The following MRPL42 variants were observed in gnomAD, a reference collection of about 807,000 sequenced individuals.
The protein encoded by MRPL42 is mitochondrial ribosomal protein L42, also known as large ribosomal subunit protein mL42.
Under a neutral mutation model 17.9 loss-of-function variants are expected in MRPL42, and 17 were observed. The observed-to-expected ratio is 0.95, with a 90% CI of 0.65 to 1.42. The LOEUF (loss-of-function observed/expected upper bound fraction) is 1.42, where lower values mean the gene tolerates loss of function less well. Among genes scored for constraint, MRPL42 ranks in the 40% most tolerant of loss-of-function variants. The pLI is 0.00. For synonymous variants in MRPL42, 59 were observed against 54.4 expected (o/e 1.08, Z -0.37); for missense variants, 177 against 175.2 (o/e 1.01, Z -0.06).
chr12:93,505,215 G>T lies in MRPL42; in HGVS notation c.*3994G>T, dbSNP rs1319547476. 1 of 152,156 alleles carries T rather than the reference G, an allele frequency of 6.6e-6. No homozygotes were observed. Among genetic ancestry groups the T allele is most frequent in the African/African-American group, 2.4e-5 (1 of 41,424 alleles). 9.4% of individuals were successfully genotyped at this position (152,156 alleles called of 1,614,324 possible). ...GATAGTGATATGCAAGATAGCACGT[G>T]TGGTTTCCACATATTCTAAGAGGCA... On this transcript the variant is annotated 3_prime_UTR_variant, in exon 6 of 6. Coordinates refer to ENST00000549982, the MANE Select transcript of MRPL42 (RefSeq NM_014050.4).
Position 93,510,966 on chromosome 12 carries a change from C to T in MRPL42, c.*9745C>T, listed in dbSNP as rs959623624. The T allele has an allele frequency of 6.6e-6, 1 of 152,116 alleles. No individual in the cohort carries two copies. The highest frequency in any genetic ancestry group is 2.1e-4 in the South Asian group (1 of 4,828). 9.4% of individuals were successfully genotyped at this position (152,116 alleles called of 1,614,324 possible). ...TAATTTGTTTCATTTATCTTTAACA[C>T]CATGTTATGGATGGCAAAATAACTT... On this transcript the variant is annotated 3_prime_UTR_variant, in exon 6 of 6. Transcript: ENST00000549982.
In MRPL42 at chr12:93,512,863, A is replaced by G. The variant is rs1953737331; in HGVS notation, c.*11642A>G. On this transcript the variant is annotated 3_prime_UTR_variant, in exon 6 of 6. Coordinates refer to ENST00000549982, the MANE Select transcript of MRPL42 (RefSeq NM_014050.4). ...CAAAAGAGGATTTAAATTTAATTGT[A>G]AGCTTATATGATACATTGTTCTAAC... 6.6e-6 allele frequency: 1 copy of G among 152,248 alleles called. No homozygotes were observed. The highest frequency in any genetic ancestry group is 1.5e-5 in the Non-Finnish European group (1 of 68,042). The allele number at this position is 152,248 out of a possible 1,614,324, so 9.4% of individuals were successfully genotyped here. A position where few individuals can be genotyped will look rare whatever the true frequency, so the allele number is the denominator to read the frequency against.
In MRPL42 at chr12:93,508,691, G is replaced by C. The variant is rs1261798501; in HGVS notation, c.*7470G>C. 6.6e-6 allele frequency: 1 copy of C among 152,166 alleles called. No individual in the cohort carries two copies. Among genetic ancestry groups the C allele is most frequent in the East Asian group, 1.9e-4 (1 of 5,176 alleles). The allele number at this position is 152,166 out of a possible 1,614,324, so 9.4% of individuals were successfully genotyped here. A position where few individuals can be genotyped will look rare whatever the true frequency, so the allele number is the denominator to read the frequency against. ...CACATGGTATGTTTGTCAGAACCCA[G>C]TTGGAGTTTTGTTTCCCAGCATCCA... On this transcript the variant is annotated 3_prime_UTR_variant, in exon 6 of 6. Coordinates refer to ENST00000549982, the MANE Select transcript of MRPL42 (RefSeq NM_014050.4).
intron 2 of MRPL42, among the ~76,000 whole-genome samples, chr12:93,471,502 G>A (rs568252901): frequency 6.6e-6 from 1 of 152,058 alleles, no homozygotes; most frequent in East Asian, 1.9e-4. Context: ...GTTTCACCAT[G>A]TTGGCCAAAA....
chr12:93,497,644 G>C (rs78442609), intron 5 of MRPL42, among the ~76,000 whole-genome samples: 238 of 151,578 alleles, frequency 1.6e-3, no homozygotes, highest in African/African-American at 5.5e-3. Flanking sequence ...CAAAAGCTGA[G>C]ATCATTTCCT....
At chr12:93,496,936 T>C (rs1219092185) in intron 5 of MRPL42, among the ~76,000 whole-genome samples, 6 of 151,912 alleles carry the variant, frequency 3.9e-5, no homozygotes, top group African/African-American at 1.5e-4. Context: ...AGACTATTAT[T>C]AGGAACACTT....
In MRPL42 at chr12:93,491,145, G is replaced by A. The variant is rs577154208; in HGVS notation, c.383+3485G>A. 1.9e-4 allele frequency among the ~76,000 whole-genome samples: 29 copies of A among 152,148 alleles called. No individual in the cohort carries two copies. In the East Asian group the frequency reaches 5.4e-3, roughly 28 times the overall value. ...ACTTCAAGTGATCCCACTGCCTTGG[G>A]CTCCCAAAGTGCTGGGATTACAGGT... is the stretch of plus-strand genomic sequence containing the variant. On this transcript the variant is annotated intron_variant, in intron 5 of 5. Coordinates refer to ENST00000549982, the MANE Select transcript of MRPL42 (RefSeq NM_014050.4).
chr12:93,485,161 CT>C (rs530566195), intron 4 of MRPL42, among the ~76,000 whole-genome samples: 7,492 of 130,798 alleles, frequency 0.057, 222 homozygotes, highest in South Asian at 0.13. Context: ...CCCACATTGC[CT>C]TTTTTTTTTT....
At chr12:93,477,146 A>G (rs1235945051) in intron 3 of MRPL42, 129 bp downstream of exon 3, 5 of 670,938 alleles carry the variant, frequency 7.5e-6, no homozygotes, top group African/African-American at 3.8e-5. Flanking sequence ...GTTTTTAAAA[A>G]TTATTTTAAT....
Position 93,514,497 on chromosome 12 carries a change from C to G in MRPL42, c.*13276C>G, listed in dbSNP as rs1023155966. On this transcript the variant is annotated 3_prime_UTR_variant, in exon 6 of 6. Transcript: ENST00000549982. Reference sequence around the variant, plus strand: ...TGTTGACCAGGCTGGTCTTGAACTCCCGACCTCAGGTGATCTGGCTGCCTT... The same window carrying G: ...TGTTGACCAGGCTGGTCTTGAACTCGCGACCTCAGGTGATCTGGCTGCCTT... The G allele has an allele frequency of 2.0e-5, 3 of 151,774 alleles. No individual in the cohort carries two copies. The highest frequency in any genetic ancestry group is 2.9e-5 in the Non-Finnish European group (2 of 68,020). 9.4% of individuals were successfully genotyped at this position (151,774 alleles called of 1,614,324 possible). A position where few individuals can be genotyped will look rare whatever the true frequency, so the allele number is the denominator to read the frequency against.
At position 93,508,192 on chromosome 12, in the gene MRPL42, G is replaced by A. The variant is rs377291811; in HGVS notation, c.*6971G>A. 1 of 150,434 alleles carries A rather than the reference G, an allele frequency of 6.6e-6. No homozygotes were observed. Among genetic ancestry groups the A allele is most frequent in the Non-Finnish European group, 1.5e-5 (1 of 67,670 alleles). 9.3% of individuals were successfully genotyped at this position (150,434 alleles called of 1,614,324 possible). A position where few individuals can be genotyped will look rare whatever the true frequency, so the allele number is the denominator to read the frequency against. On this transcript the variant is annotated 3_prime_UTR_variant, in exon 6 of 6. Transcript: ENST00000549982. ...ATTCCCCACCTCAGGTGATCTGCCT[G>A]CCTCAGCCTCCCAAAGTGCTGGGAT...
At position 93,508,982 on chromosome 12, in the gene MRPL42, G is replaced by GT. The variant is rs553272636; in HGVS notation, c.*7764dup. 1.1e-3 allele frequency: 171 copies of GT among 152,248 alleles called. No individual in the cohort carries two copies. The highest frequency in any genetic ancestry group is 3.9e-3 in the African/African-American group (160 of 41,538). 9.4% of individuals were successfully genotyped at this position (152,248 alleles called of 1,614,324 possible). On this transcript the variant is annotated 3_prime_UTR_variant, in exon 6 of 6. Transcript: ENST00000549982. ...GTGGGCGGATCACTTGAGGTCAGGAGTTTGAGACCAGCCTAGCTAACATGG... is the reference window on the plus strand; with the variant it reads ...GTGGGCGGATCACTTGAGGTCAGGAGTTTTGAGACCAGCCTAGCTAACATGG...
chr12:93,473,532 A>T (rs888553793), intron 2 of MRPL42, among the ~76,000 whole-genome samples: 1 of 152,080 alleles, frequency 6.6e-6, no homozygotes, highest in African/African-American at 2.4e-5. Flanking sequence ...CCCAGATTCA[A>T]GTGATTTTCC....
At chr12:93,500,872 G>C (rs1481610306) in intron 5 of MRPL42, 3 of 204,758 alleles carry the variant, frequency 1.5e-5, no homozygotes, top group Non-Finnish European at 2.9e-5. Context: ...GGTAGGAGGA[G>C]CCCTTGTGCC....
At position 93,504,410 on chromosome 12, in the gene MRPL42, G is replaced by A. The variant is rs1406198397; in HGVS notation, c.*3189G>A. The A allele has an allele frequency of 1.3e-5, 2 of 152,750 alleles. No homozygotes were observed. The highest frequency in any genetic ancestry group is 6.5e-5 in the Admixed American group (1 of 15,274). The allele number at this position is 152,750 out of a possible 1,614,324, so 9.5% of individuals were successfully genotyped here. A position where few individuals can be genotyped will look rare whatever the true frequency, so the allele number is the denominator to read the frequency against. The stretch of plus-strand genomic sequence containing the variant: ...ACACCTTGGCCTCCCAAAGTGCTGG[G>A]TGGGATTATAGGTGTGAGCCTCCAT... On this transcript the variant is annotated 3_prime_UTR_variant, in exon 6 of 6. Transcript: ENST00000549982.
Position 93,511,531 on chromosome 12 carries a change from C to T in MRPL42, c.*10310C>T, listed in dbSNP as rs2121305380. 6.6e-6 allele frequency: 1 copy of T among 152,156 alleles called. No homozygotes were observed. The highest frequency in any genetic ancestry group is 1.9e-4 in the East Asian group (1 of 5,184). 9.4% of individuals were successfully genotyped at this position (152,156 alleles called of 1,614,324 possible). On this transcript the variant is annotated 3_prime_UTR_variant, in exon 6 of 6. Transcript: ENST00000549982. Reference sequence around the variant, plus strand: ...AGAAAGTACTTCAATTACCAGTTACCAACACACAACAATTTGAAATATCCA... The same window carrying T: ...AGAAAGTACTTCAATTACCAGTTACTAACACACAACAATTTGAAATATCCA...
chr12:93,470,248 T>C (rs2121157667), intron 2 of MRPL42, among the ~76,000 whole-genome samples: 1 of 152,312 alleles, frequency 6.6e-6, no homozygotes, highest in Non-Finnish European at 1.5e-5. Flanking sequence ...TGTTAATACA[T>C]GTTTGACAGT....
chr12:93,514,594 A>G lies in MRPL42; in HGVS notation c.*13373A>G, dbSNP rs1052715909. 6.6e-6 allele frequency: 1 copy of G among 152,068 alleles called. No homozygotes were observed. Among genetic ancestry groups the G allele is most frequent in the African/African-American group, 2.4e-5 (1 of 41,414 alleles). The allele number at this position is 152,068 out of a possible 1,614,324, so 9.4% of individuals were successfully genotyped here. A position where few individuals can be genotyped will look rare whatever the true frequency, so the allele number is the denominator to read the frequency against. On this transcript the variant is annotated 3_prime_UTR_variant, in exon 6 of 6. Coordinates refer to ENST00000549982, the MANE Select transcript of MRPL42 (RefSeq NM_014050.4). Reference sequence around the variant, plus strand: ...CCATTATTGGACAGTTTTAATGGAAAGTGTTTCCTTATATTGAGTGGAAAT... The same window carrying G: ...CCATTATTGGACAGTTTTAATGGAAGGTGTTTCCTTATATTGAGTGGAAAT...
chr12:93,471,515 GGT>G (rs1473413194), intron 2 of MRPL42, among the ~76,000 whole-genome samples: 1 of 151,842 alleles, frequency 6.6e-6, no homozygotes, highest in East Asian at 1.9e-4. Flanking sequence ...GGCCAAAACT[GGT>G]CTCAAACTCC....
Sources: allele counts gnomAD v4.1 joint callset (sites outside exome capture counted in the v4.1 genomes callset), GRCh38; gene constraint gnomAD v4.1.1; transcripts MANE v1.5; gene names NCBI Gene and HGNC (gene_info 2026-07-23, HGNC 2026-07-21).